Variants in GRID2 observed in about 807,000 individuals in gnomAD.
GRID2 encodes glutamate receptor ionotropic, delta-2.
GRID2 carries 33 observed loss-of-function variants against 114.8 expected under a neutral mutation model. That is an observed-to-expected ratio of 0.29 (90% CI 0.22 to 0.38). The LOEUF (loss-of-function observed/expected upper bound fraction) is 0.38, where lower values mean the gene tolerates loss of function less well. Among genes scored for constraint, GRID2 ranks in the 10% least tolerant of loss-of-function variants. The pLI is 1.00. For missense variants in GRID2, 1,184 were observed against 1,257.7 expected (o/e 0.94, Z 0.89); for synonymous variants, 505 against 449.9 (o/e 1.12, Z -1.55).
intron 2 of GRID2, among the ~76,000 whole-genome samples, chr4:92,795,080 A>G (rs1284822895): frequency 6.6e-6 from 1 of 151,604 alleles, no homozygotes; most frequent in Non-Finnish European, 1.5e-5. Context: ...AAGGCAGAAG[A>G]GGGGCAAGAT....
chr4:93,675,478 T>C (rs889316640), intron 14 of GRID2, among the ~76,000 whole-genome samples: 4 of 152,232 alleles, frequency 2.6e-5, no homozygotes, highest in African/African-American at 7.2e-5. Flanking sequence ...AAACACCTAC[T>C]GCATATTAAA....
intron 8 of GRID2, among the ~76,000 whole-genome samples, chr4:93,299,662 G>A (rs1187584064): frequency 6.6e-6 from 1 of 151,772 alleles, no homozygotes; most frequent in Non-Finnish European, 1.5e-5. Context: ...TAACAAACCT[G>A]TACGTTGTCC....
chr4:92,439,419 T>C (rs181067590), intron 1 of GRID2, among the ~76,000 whole-genome samples: 164 of 152,178 alleles, frequency 1.1e-3, no homozygotes, highest in African/African-American at 3.7e-3. Context: ...CGCCTTCTTA[T>C]ATTAATAAGA....
At chr4:92,763,573 T>A (rs572708999) in intron 2 of GRID2, among the ~76,000 whole-genome samples, 1 of 152,210 alleles carries the variant, frequency 6.6e-6, no homozygotes, top group Non-Finnish European at 1.5e-5. Context: ...CATATGTGCA[T>A]AGGTTATATG....
chr4:92,881,548 G>A (rs375925334), intron 2 of GRID2, among the ~76,000 whole-genome samples: 1 of 152,030 alleles, frequency 6.6e-6, no homozygotes, highest in Non-Finnish European at 1.5e-5. Context: ...TACAACACAA[G>A]TCAAGGTAAA....
intron 14 of GRID2, among the ~76,000 whole-genome samples, chr4:93,740,343 G>A (rs1277045809): frequency 6.6e-6 from 1 of 152,150 alleles, no homozygotes; most frequent in Non-Finnish European, 1.5e-5. Flanking sequence ...ACCCATGACT[G>A]TATTTCAGAG....
chr4:93,457,042 A>G (rs1259577892), intron 11 of GRID2, among the ~76,000 whole-genome samples: 1 of 152,134 alleles, frequency 6.6e-6, no homozygotes, highest in Non-Finnish European at 1.5e-5. Flanking sequence ...CACACTATCT[A>G]AGTAGAACTT....
intron 1 of GRID2, among the ~76,000 whole-genome samples, chr4:92,439,976 G>GT (rs1203536335): frequency 6.9e-6 from 1 of 145,550 alleles, no homozygotes; most frequent in African/African-American, 2.4e-5. Context: ...GGGATGACAA[G>GT]TTTTTTGGGG....
At chr4:92,797,951 GT>G (rs1222202167) in intron 2 of GRID2, among the ~76,000 whole-genome samples, 1 of 151,824 alleles carries the variant, frequency 6.6e-6, no homozygotes, top group Non-Finnish European at 1.5e-5. Flanking sequence ...ACTTGATAAA[GT>G]TTTTACTGCC....
At chr4:93,281,052 T>C (rs1345508199) in intron 8 of GRID2, among the ~76,000 whole-genome samples, 2 of 151,796 alleles carry the variant, frequency 1.3e-5, no homozygotes, top group Non-Finnish European at 2.9e-5. Flanking sequence ...AATATAAATA[T>C]ATACACACAT....
At chr4:93,504,347 T>A (rs1047514890) in intron 12 of GRID2, among the ~76,000 whole-genome samples, 1 of 152,012 alleles carries the variant, frequency 6.6e-6, no homozygotes, top group African/African-American at 2.4e-5. Flanking sequence ...GAGGGTATAT[T>A]GAATAATTTT....
At chr4:92,853,750 A>C (rs1743989048) in intron 2 of GRID2, among the ~76,000 whole-genome samples, 1 of 152,028 alleles carries the variant, frequency 6.6e-6, no homozygotes, top group African/African-American at 2.4e-5. Context: ...AAAGAAAACC[A>C]AATACCAAAT....
chr4:93,385,274 A>G (rs995436146), intron 8 of GRID2, among the ~76,000 whole-genome samples: 1 of 152,222 alleles, frequency 6.6e-6, no homozygotes, highest in Non-Finnish European at 1.5e-5. Flanking sequence ...AGCGAGAGTA[A>G]TTTAGAAAAC....
At chr4:93,332,254 GT>G (rs1758543621) in intron 8 of GRID2, among the ~76,000 whole-genome samples, 1 of 20,808 alleles carries the variant, frequency 4.8e-5, no homozygotes, top group Non-Finnish European at 8.1e-5. Flanking sequence ...GAAAAAGAGT[GT>G]GTGTGTGTGT....
intron 13 of GRID2, among the ~76,000 whole-genome samples, chr4:93,533,894 G>A (rs964344413): frequency 1.3e-5 from 2 of 151,828 alleles, no homozygotes; most frequent in Admixed American, 1.3e-4. Flanking sequence ...TTGTTCATTG[G>A]CTCCCCACTC....
intron 2 of GRID2, among the ~76,000 whole-genome samples, chr4:92,782,496 T>A (rs1477980402): frequency 1.3e-5 from 2 of 152,112 alleles, no homozygotes; most frequent in African/African-American, 4.8e-5. Context: ...TATCTGAGAA[T>A]TAAAAATAGG....
intron 2 of GRID2, among the ~76,000 whole-genome samples, chr4:92,783,968 A>T (rs1215058462): frequency 1.3e-5 from 2 of 151,892 alleles, no homozygotes; most frequent in Non-Finnish European, 2.9e-5. Context: ...ATTGGGAAAA[A>T]TTTTTATTTT....
chr4:92,331,720 A>G (rs550759429), intron 1 of GRID2, among the ~76,000 whole-genome samples: 1 of 152,334 alleles, frequency 6.6e-6, no homozygotes, highest in Admixed American at 6.5e-5. Flanking sequence ...CCTGGTTTAC[A>G]TAACACTGTA....
intron 1 of GRID2, among the ~76,000 whole-genome samples, chr4:92,336,783 T>A (rs1212585569): frequency 1.3e-5 from 2 of 152,052 alleles, no homozygotes; most frequent in African/African-American, 4.8e-5. Context: ...GCTTTTTTAG[T>A]TTCTCAAAGG....
Sources: allele counts gnomAD v4.1 joint callset (sites outside exome capture counted in the v4.1 genomes callset), GRCh38; gene constraint gnomAD v4.1.1; transcripts MANE v1.5; gene names NCBI Gene and HGNC (gene_info 2026-07-23, HGNC 2026-07-21).